RIPK4: variants seen among roughly 807,000 people sequenced by gnomAD.
The protein encoded by RIPK4 is receptor interacting serine/threonine kinase 4, also known as receptor-interacting serine/threonine-protein kinase 4.
In RIPK4, 17 loss-of-function variants were observed where a neutral mutation model predicts 42.9. That is an observed-to-expected ratio of 0.40 (90% CI 0.27 to 0.59). The LOEUF is 0.59. Among genes scored for constraint, RIPK4 ranks in the 20% least tolerant of loss-of-function variants. The probability of loss-of-function intolerance (pLI) is 0.47; values close to 1 mark genes in which losing one functional copy is unlikely to be tolerated. For missense variants in RIPK4, 897 were observed against 1,104.4 expected, an observed-to-expected ratio of 0.81 and a Z score of 2.66; for synonymous variants, 498 against 499.1, an observed-to-expected ratio of 1.00 and a Z score of 0.03.
chr21:41,743,104 C>CT (rs965591556), intron 7 of RIPK4, among the ~76,000 whole-genome samples: 2 of 152,180 alleles, frequency 1.3e-5, no homozygotes, highest in African/African-American at 4.8e-5. Context: ...GAAAAGCCAA[C>CT]TTCCCCTTCC....
intron 1 of RIPK4, among the ~76,000 whole-genome samples, chr21:41,759,203 A>G (rs1364679469): frequency 1.3e-5 from 2 of 152,028 alleles, no homozygotes; most frequent in Admixed American, 1.3e-4. Context: ...GGTTCAAGTG[A>G]GTCTCATGCC....
At chr21:41,746,044 C>A (rs569859000) in intron 5 of RIPK4, 182 bp from the exon 6 acceptor site, 1 of 720,354 alleles carries the variant, frequency 1.4e-6, no homozygotes, top group Non-Finnish European at 2.5e-6. Flanking sequence ...CAGGCCCCCC[C>A]ATCGGTAATC....
In RIPK4 at chr21:41,751,797, C is replaced by T. The variant is rs554822028; in HGVS notation, c.475-552G>A. Among the ~76,000 whole-genome samples the T allele has an allele frequency of 9.4e-4, 143 of 152,326 alleles. 1 individual carries two copies. Among genetic ancestry groups the T allele is most frequent in the Admixed American group, 1.8e-3 (28 of 15,306 alleles). On this transcript the variant is annotated intron_variant, in intron 2 of 7. Coordinates refer to ENST00000332512, the MANE Select transcript of RIPK4 (RefSeq NM_020639.3). The surrounding 1 kb of genome is among the most constrained non-coding windows in gnomAD (Gnocchi z 4.5). ...TAAACTTTAAAGCAAACAAAACACA[C>T]GCCTCAGAGCCCCGTCCATCTGGAG... is the stretch of plus-strand genomic sequence containing the variant.
Position 41,751,246 on chromosome 21 carries a change from C to G in RIPK4, c.475-1G>C. Reference sequence around the variant, plus strand: ...ACTTGGCCAGACCAAAATCAGAAATCTGCAACACAGCCATCAGAGCGGGGC... The same window carrying G: ...ACTTGGCCAGACCAAAATCAGAAATGTGCAACACAGCCATCAGAGCGGGGC... On this transcript the variant is annotated splice_acceptor_variant, in intron 2 of 7. Coordinates refer to ENST00000332512, the MANE Select transcript of RIPK4 (RefSeq NM_020639.3). LOFTEE classifies it high-confidence loss of function. This position sits in a 1 kb window ranked among gnomAD's most constrained non-coding sequence, Gnocchi z 4.5. 1 of 1,614,060 alleles carries G rather than the reference C, an allele frequency of 6.2e-7. No individual in the cohort carries two copies. The highest frequency in any genetic ancestry group is 8.5e-7 in the Non-Finnish European group (1 of 1,179,966).
At chr21:41,763,925 C>T (rs935945002) in intron 1 of RIPK4, among the ~76,000 whole-genome samples, 4 of 152,122 alleles carry the variant, frequency 2.6e-5, no homozygotes, top group Non-Finnish European at 5.9e-5. Context: ...TCTCTCCAAA[C>T]TGGTCACAGC....
intron 2 of RIPK4, among the ~76,000 whole-genome samples, chr21:41,753,483 G>A (rs750459435): frequency 6.6e-6 from 1 of 152,172 alleles, no homozygotes; most frequent in African/African-American, 2.4e-5. Flanking sequence ...GAGGGTCACT[G>A]ACCCTCTATG....
Position 41,741,985 on chromosome 21 carries a change from G to A in RIPK4, c.1208C>T (p.Thr403Ile). The A allele has an allele frequency of 6.3e-7, 1 of 1,594,352 alleles. No individual in the cohort carries two copies. Among genetic ancestry groups the A allele is most frequent in the Non-Finnish European group, 8.6e-7 (1 of 1,168,274 alleles). ...REPSTSDLGT[T>I]DVQKKKLVDA... ...CACAAGCTTCTTCTTCTGGACGTCT[G>A]TGGTGCCCAGATCTGCAGGGAGAGG... Residue 403 changes from threonine (T) to isoleucine (I), a missense_variant, in exon 8 of 8, where the codon ACA becomes ATA. Physicochemically the swap from Thr to Ile is moderately conservative, Grantham distance 89. Transcript: ENST00000332512.
intron 6 of RIPK4, 108 bp downstream of exon 6, chr21:41,745,651 A>G: frequency 1.3e-6 from 1 of 781,030 alleles, no homozygotes; most frequent in Non-Finnish European, 2.2e-6. Flanking sequence ...GGCTCAGAAG[A>G]GAGGGAGAGT....
rs777280038 is a variant in RIPK4, at chr21:41,740,922, A to G, written c.2271T>C (p.His757=). The G allele has an allele frequency of 2.5e-6, 4 of 1,612,528 alleles. No individual in the cohort carries two copies. The African/African-American group carries it at 5.3e-5, about 22-fold the overall frequency. ...GGCTCTGCAGGTTGATGTGGGCCCC[A>G]TGCCTGAGCAGAGTCTCCACCGTCT... ...HAQTVETLLR[H]GAHINLQSLK... is the part of the protein sequence containing the mutation. The change falls in exon 8 of 8, where the codon CAT becomes CAC. Residue 757 remains histidine, a synonymous_variant. Transcript: ENST00000332512.
chr21:41,741,740 C>G lies in RIPK4; in HGVS notation c.1453G>C (p.Gly485Arg). 8 of 1,612,492 alleles carry G rather than the reference C, an allele frequency of 5.0e-6. No individual in the cohort carries two copies. Among genetic ancestry groups the G allele is most frequent in the Non-Finnish European group, 6.8e-6 (8 of 1,180,026 alleles). The change falls in exon 8 of 8, where the codon GGT (glycine) becomes CGT (arginine). Residue 485 changes from glycine to arginine, a missense_variant. Coordinates refer to ENST00000332512, the MANE Select transcript of RIPK4 (RefSeq NM_020639.3). ...LHMAVERRVR[G>R]VVELLLARKI... ...CGCGCCAGCAGGAGCTCCACGACAC[C>G]CCGCACCCTCCTCTCCACGGCCATG...
At chr21:41,748,047 C>T (rs2061177221) in intron 4 of RIPK4, among the ~76,000 whole-genome samples, 1 of 152,232 alleles carries the variant, frequency 6.6e-6, no homozygotes, top group African/African-American at 2.4e-5. Context: ...CAGACACTGC[C>T]TCATTTCACA....
rs763738934 is a variant in RIPK4, at chr21:41,741,295, C to T, written c.1898G>A (p.Cys633Tyr). 1 of 1,608,060 alleles carries T rather than the reference C, an allele frequency of 6.2e-7. No homozygotes were observed. Among genetic ancestry groups the T allele is most frequent in the Non-Finnish European group, 8.5e-7 (1 of 1,179,618 alleles). ...CAGGGGTGTCTGTGCCAGCAGGCTG[C>T]AGACGTTGACGTCGGAGCACAGGTC... ...LIDLCSDVNV[C>Y]SLLAQTPLHV... is the part of the protein sequence containing the mutation. The change falls in exon 8 of 8, where the codon TGC (cysteine) becomes TAC (tyrosine). Residue 633 changes from cysteine (C) to tyrosine (Y), a missense_variant. Cys to Tyr is a radical substitution (Grantham distance 194). Coordinates refer to ENST00000332512, the MANE Select transcript of RIPK4 (RefSeq NM_020639.3).
At chr21:41,746,248 G>A (rs1291461680) in intron 5 of RIPK4, 5 of 590,036 alleles carry the variant, frequency 8.5e-6, no homozygotes, top group African/African-American at 5.5e-5. Flanking sequence ...TCTGTCCCAG[G>A]AAGTCAACTC....
In RIPK4 at chr21:41,742,077, G is replaced by T. The variant is rs569934718; in HGVS notation, c.1196-80C>A. ...GCGTCTCTGGGAGCCTGGCTGTGGCGCTCAGGTGGAGGAGTGCCATGGCCT... is the reference window on the plus strand; with the variant it reads ...GCGTCTCTGGGAGCCTGGCTGTGGCTCTCAGGTGGAGGAGTGCCATGGCCT... On this transcript the variant is annotated intron_variant, in intron 7 of 7. Transcript: ENST00000332512. The surrounding 1 kb of genome is among the most constrained non-coding windows in gnomAD (Gnocchi z 5.1). 3 of 1,300,564 alleles carry T rather than the reference G, an allele frequency of 2.3e-6. No homozygotes were observed. The East Asian group carries it at 7.0e-5, about 30-fold the overall frequency. 80.6% of individuals were successfully genotyped at this position (1,300,564 alleles called of 1,614,324 possible).
rs1419269595 is a variant in RIPK4 at position 41,755,802 on chromosome 21, G to A, written c.474+723C>T. On this transcript the variant is annotated intron_variant, in intron 2 of 7. Coordinates refer to ENST00000332512, the MANE Select transcript of RIPK4 (RefSeq NM_020639.3). This position sits in a 1 kb window ranked among gnomAD's most constrained non-coding sequence, Gnocchi z 4.2. Reference sequence around the variant, plus strand: ...ACATGTCAACGACAGTACAACCCTAGCCACGAAGGCCATCAAAGGAGATAC... The same window carrying A: ...ACATGTCAACGACAGTACAACCCTAACCACGAAGGCCATCAAAGGAGATAC... Among the ~76,000 whole-genome samples, 1 of 152,188 alleles carries A rather than the reference G, an allele frequency of 6.6e-6. No homozygotes were observed. The highest frequency in any genetic ancestry group is 1.5e-5 in the Non-Finnish European group (1 of 68,040).
At chr21:41,762,454 T>G (rs1417363046) in intron 1 of RIPK4, among the ~76,000 whole-genome samples, 1 of 152,118 alleles carries the variant, frequency 6.6e-6, no homozygotes, top group Non-Finnish European at 1.5e-5. Context: ...TTCCAGCCCC[T>G]CTCCAGGTGC....
At chr21:41,743,827 T>C (rs1382336073) in intron 7 of RIPK4, 55 bp downstream of exon 7, 2 of 1,522,762 alleles carry the variant, frequency 1.3e-6, no homozygotes, top group African/African-American at 2.8e-5. Context: ...CTGAGTCCAG[T>C]CCACTGTCCC....
At chr21:41,750,449 G>C (rs1465961801) in intron 3 of RIPK4, among the ~76,000 whole-genome samples, 2 of 152,198 alleles carry the variant, frequency 1.3e-5, no homozygotes, top group African/African-American at 2.4e-5. Context: ...GTGAATTTCG[G>C]AAAGTACAAA....
At position 41,767,042 on chromosome 21, in the gene RIPK4, C is replaced by T; in HGVS notation, c.-1G>A. On this transcript the variant is annotated 5_prime_UTR_variant, in exon 1 of 8. Coordinates refer to ENST00000332512, the MANE Select transcript of RIPK4 (RefSeq NM_020639.3). The surrounding 1 kb of genome is among the most constrained non-coding windows in gnomAD (Gnocchi z 4.0). ...ATGGGGTCCCGCCGTCGCCCTCCAT[C>T]GCGCACGTCTAGCCAGCGCCGCGGC... 2 of 1,567,310 alleles carry T rather than the reference C, an allele frequency of 1.3e-6. No homozygotes were observed. Among genetic ancestry groups the T allele is most frequent in the Non-Finnish European group, 1.7e-6 (2 of 1,160,768 alleles).
Sources: gnomAD v4.1 joint callset for allele counts (sites outside exome capture counted in the v4.1 genomes callset) on GRCh38, gnomAD v4.1.1 for gene constraint, Gnocchi (gnomAD v3.1) non-coding constraint, MANE v1.5 for transcripts, NCBI Gene and HGNC (gene_info 2026-07-23, HGNC 2026-07-21) for gene names.